NYAP2: variants seen among roughly 807,000 people sequenced by gnomAD.
NYAP2 encodes the protein neuronal tyrosine-phosphorylated phosphoinositide-3-kinase adaptor 2, also known as neuronal tyrosine-phosphorylated phosphoinositide-3-kinase adapter 2.
In NYAP2, 23 loss-of-function variants were observed where a neutral mutation model predicts 50.4. That is an observed-to-expected ratio of 0.46 (90% CI 0.33 to 0.65). The LOEUF (loss-of-function observed/expected upper bound fraction) is 0.65, where lower values mean the gene tolerates loss of function less well. NYAP2 is among the 30% of genes least tolerant of loss of function. The pLI is 0.02. For synonymous variants in NYAP2, 394 were observed against 365.2 expected, an observed-to-expected ratio of 1.08 and a Z score of -0.90; for missense variants, 885 against 861.0, an observed-to-expected ratio of 1.03 and a Z score of -0.35.
At chr2:225,660,956 T>G in the NYAP2 span, among the ~76,000 whole-genome samples, 1 of 152,202 alleles carries the variant, frequency 6.6e-6, no homozygotes, top group East Asian at 1.9e-4. Context: ...CTGTTTTCAT[T>G]AGGATTTATG....
intron 5 of NYAP2, among the ~76,000 whole-genome samples, chr2:225,619,881 A>C (rs560689051): frequency 2.6e-5 from 4 of 152,360 alleles, no homozygotes; most frequent in African/African-American, 9.6e-5. Flanking sequence ...TAATAAAATA[A>C]TACATCCATT....
chr2:225,507,717 TG>T (rs1690733549), intron 3 of NYAP2, among the ~76,000 whole-genome samples: 1 of 141,430 alleles, frequency 7.1e-6, no homozygotes, highest in African/African-American at 2.6e-5. Flanking sequence ...CAAAATTCAG[TG>T]GGAAAAGACT....
intron 4 of NYAP2, among the ~76,000 whole-genome samples, chr2:225,530,491 T>C (rs1410518890): frequency 3.3e-5 from 5 of 152,208 alleles, no homozygotes; most frequent in Non-Finnish European, 7.3e-5. Flanking sequence ...ACCTCCATAC[T>C]TCCTAAATCC....
rs768542453 is a variant in NYAP2, at chr2:225,462,357, CT to C, written c.222-51013del. ...TTTTCTTTCATTTTGCACTTTCTTT[CT>C]GTGTGTTCTCTTCCTGTCTCTTTCT... is the stretch of plus-strand genomic sequence containing the variant. On this transcript the variant is annotated intron_variant, in intron 3 of 6. Coordinates refer to ENST00000636099, the Ensembl canonical transcript of NYAP2. Among the ~76,000 whole-genome samples, 56 of 152,070 alleles carry C rather than the reference CT, an allele frequency of 3.7e-4. 1 individual carries two copies. Among genetic ancestry groups the C allele is most frequent in the Admixed American group, 8.5e-4 (13 of 15,258 alleles).
intron 3 of NYAP2, among the ~76,000 whole-genome samples, chr2:225,446,192 G>T (rs1689551797): frequency 2.3e-5 from 1 of 44,084 alleles, no homozygotes; most frequent in Non-Finnish European, 5.6e-5. Context: ...CTGTCTGTCT[G>T]TCTGTCTGTC....
chr2:225,412,568 G>A (rs1254585744), intron 3 of NYAP2, among the ~76,000 whole-genome samples: 6 of 151,918 alleles, frequency 3.9e-5, no homozygotes, highest in Admixed American at 6.6e-5. Context: ...GTTCTCTAAA[G>A]TCAATACATA....
At chr2:225,537,563 G>A (rs1401097059) in intron 4 of NYAP2, among the ~76,000 whole-genome samples, 1 of 152,090 alleles carries the variant, frequency 6.6e-6, no homozygotes, top group Non-Finnish European at 1.5e-5. Context: ...CATGATAATG[G>A]CATGGGAAAG....
At chr2:225,518,502 A>G (rs975771484) in intron 4 of NYAP2, among the ~76,000 whole-genome samples, 17 of 136,538 alleles carry the variant, frequency 1.2e-4, no homozygotes, top group African/African-American at 4.3e-4. Context: ...TCATTACAAA[A>G]AAAAACAGTA....
chr2:225,437,901 ATCAAT>A (rs1559179532), intron 3 of NYAP2, among the ~76,000 whole-genome samples: 2 of 152,214 alleles, frequency 1.3e-5, no homozygotes, highest in Non-Finnish European at 2.9e-5. Context: ...GAATGGGGAC[ATCAAT>A]TCAAATAGCC....
At chr2:225,639,282 A>C (rs1346160756) in intron 6 of NYAP2, among the ~76,000 whole-genome samples, 1 of 152,186 alleles carries the variant, frequency 6.6e-6, no homozygotes, top group Non-Finnish European at 1.5e-5. Context: ...CTCTAAGGTT[A>C]TTGCAGATTA....
the NYAP2 span, among the ~76,000 whole-genome samples, chr2:225,668,623 T>C: frequency 2.6e-5 from 4 of 152,326 alleles, no homozygotes; most frequent in East Asian, 7.7e-4. Flanking sequence ...CCATCTCTGA[T>C]GAGAAAACTG....
chr2:225,672,952 A>G, the NYAP2 span, among the ~76,000 whole-genome samples: 1 of 152,078 alleles, frequency 6.6e-6, no homozygotes, highest in African/African-American at 2.4e-5. Context: ...AGATCACCAT[A>G]AACAGATATA....
intron 4 of NYAP2, among the ~76,000 whole-genome samples, chr2:225,546,368 T>C (rs1691585004): frequency 6.6e-6 from 1 of 152,142 alleles, no homozygotes; most frequent in African/African-American, 2.4e-5. Context: ...TGCTCTATTC[T>C]ACTGTTGCTA....
intron 3 of NYAP2, among the ~76,000 whole-genome samples, chr2:225,460,055 A>C (rs17482096): frequency 0.011 from 1,643 of 152,266 alleles, 16 homozygotes; most frequent in Non-Finnish European, 0.016. Flanking sequence ...GGTAGGTTAA[A>C]AGATTCAAGA....
chr2:225,647,998 AATTT>A (rs1363399617), intron 6 of NYAP2, among the ~76,000 whole-genome samples: 1 of 151,316 alleles, frequency 6.6e-6, no homozygotes, highest in Admixed American at 6.6e-5. Context: ...GTATGTATAT[AATTT>A]ATTTATTTAT....
At chr2:225,668,980 T>G in the NYAP2 span, among the ~76,000 whole-genome samples, 1 of 124,094 alleles carries the variant, frequency 8.1e-6, no homozygotes, top group Non-Finnish European at 1.7e-5. Flanking sequence ...TTTTTTTTTT[T>G]TTTTTTTGCT....
chr2:225,533,814 A>G (rs1691300856), intron 4 of NYAP2, among the ~76,000 whole-genome samples: 1 of 152,220 alleles, frequency 6.6e-6, no homozygotes, highest in Non-Finnish European at 1.5e-5. Context: ...ACTTGTTTCA[A>G]TATTTTGTAA....
intron 3 of NYAP2, among the ~76,000 whole-genome samples, chr2:225,491,956 C>G (rs982936051): frequency 2.6e-5 from 4 of 152,098 alleles, no homozygotes; most frequent in Non-Finnish European, 5.9e-5. Context: ...GGCTAAGAAA[C>G]CAGGAGATGA....
chr2:225,488,030 T>G (rs529109966), intron 3 of NYAP2, among the ~76,000 whole-genome samples: 64 of 152,216 alleles, frequency 4.2e-4, no homozygotes, highest in Non-Finnish European at 5.9e-4. Flanking sequence ...GGACTCAGCA[T>G]TCACAAAGTT....
Sources: gnomAD v4.1 joint callset for allele counts (sites outside exome capture counted in the v4.1 genomes callset) on GRCh38, gnomAD v4.1.1 for gene constraint, MANE v1.5 for transcripts, NCBI Gene and HGNC (gene_info 2026-07-23, HGNC 2026-07-21) for gene names.